GFRAL: variants seen among roughly 807,000 people sequenced by gnomAD.
The protein encoded by GFRAL is GDNF family receptor alpha-like.
In GFRAL, 36 loss-of-function variants were observed where a neutral mutation model predicts 45.4. The observed-to-expected ratio is 0.79, with a 90% CI of 0.61 to 1.05. The LOEUF (loss-of-function observed/expected upper bound fraction) is 1.05, where lower values mean the gene tolerates loss of function less well. GFRAL is among the 50% of genes least tolerant of loss of function. The pLI is 0.00. For missense variants in GFRAL, 507 were observed against 467.5 expected (o/e 1.08, Z -0.78); for synonymous variants, 166 against 154.1 (o/e 1.08, Z -0.57).
chr6:55,357,012 C>T (rs1376490774), intron 5 of GFRAL, among the ~76,000 whole-genome samples: 2 of 151,782 alleles, frequency 1.3e-5, no homozygotes, highest in Non-Finnish European at 2.9e-5. Context: ...CAAAGTTCCT[C>T]TTGTCATTGA....
chr6:55,394,349 G>C (rs190489574), intron 6 of GFRAL, among the ~76,000 whole-genome samples: 1 of 152,056 alleles, frequency 6.6e-6, no homozygotes, highest in Non-Finnish European at 1.5e-5. Flanking sequence ...TAAGGGGAGG[G>C]GCAGGACTGA....
intron 6 of GFRAL, among the ~76,000 whole-genome samples, chr6:55,363,795 C>T (rs1212310266): frequency 5.3e-5 from 8 of 151,534 alleles, no homozygotes; most frequent in Admixed American, 3.3e-4. Context: ...GCATAGTATT[C>T]CATGGTGCAT....
At position 55,382,258 on chromosome 6, in the gene GFRAL, T is replaced by C. The variant is rs368584981; in HGVS notation, c.953-16922T>C. On this transcript the variant is annotated intron_variant, in intron 6 of 8. Transcript: ENST00000340465. ...TGTTTTTCCTCTTAGAAATAAGTGA[T>C]TATTCCTTAAGGATCTTGTTTTTTA... 2.6e-5 allele frequency among the ~76,000 whole-genome samples: 4 copies of C among 152,094 alleles called. No homozygotes were observed. In the East Asian group the frequency reaches 5.8e-4, roughly 22 times the overall value.
At chr6:55,379,896 A>T (rs1175510091) in intron 6 of GFRAL, among the ~76,000 whole-genome samples, 1 of 151,926 alleles carries the variant, frequency 6.6e-6, no homozygotes, top group African/African-American at 2.4e-5. Context: ...AAGTGAGATC[A>T]TGTGGTATTT....
chr6:55,394,920 A>G (rs1036099347), intron 6 of GFRAL, among the ~76,000 whole-genome samples: 2 of 152,018 alleles, frequency 1.3e-5, no homozygotes, highest in Non-Finnish European at 2.9e-5. Context: ...GAGAAGGAGG[A>G]GAGAAAGAAA....
intron 6 of GFRAL, among the ~76,000 whole-genome samples, chr6:55,371,940 G>T (rs1403697690): frequency 2.6e-5 from 4 of 152,030 alleles, no homozygotes; most frequent in Non-Finnish European, 4.4e-5. Flanking sequence ...TGGGTTTATT[G>T]TTTCAATTTC....
intron 6 of GFRAL, among the ~76,000 whole-genome samples, chr6:55,363,905 C>G (rs1414401011): frequency 2.7e-5 from 4 of 150,510 alleles, no homozygotes; most frequent in Non-Finnish European, 5.9e-5. Flanking sequence ...CATACGTGTG[C>G]ATGTGTCTTT....
At chr6:55,363,484 T>C (rs901499396) in intron 6 of GFRAL, among the ~76,000 whole-genome samples, 3 of 151,550 alleles carry the variant, frequency 2.0e-5, no homozygotes, top group African/African-American at 7.3e-5. Flanking sequence ...ATGTGCACAT[T>C]GTGCAGGTTA....
intron 6 of GFRAL, among the ~76,000 whole-genome samples, chr6:55,376,328 G>A (rs1238513448): frequency 6.6e-6 from 1 of 151,898 alleles, no homozygotes. Flanking sequence ...TCTTATTTTT[G>A]TTGCATCTCT....
At position 55,384,852 on chromosome 6, in the gene GFRAL, C is replaced by T. The variant is rs142208910; in HGVS notation, c.953-14328C>T. Among the ~76,000 whole-genome samples, 158 of 110,662 alleles carry T rather than the reference C, an allele frequency of 1.4e-3. 1 individual carries two copies. The East Asian group carries it at 0.031, about 22-fold the overall frequency. 72.6% of individuals were successfully genotyped at this position (110,662 alleles called of 152,430 possible). Reference sequence around the variant, plus strand: ...TCACTCTAGATTTTCCTAGATTTCTCCAAAAAGCAGCAAAAAAAAAAAAAA... The same window carrying T: ...TCACTCTAGATTTTCCTAGATTTCTTCAAAAAGCAGCAAAAAAAAAAAAAA... On this transcript the variant is annotated intron_variant, in intron 6 of 8. Transcript: ENST00000340465.
intron 8 of GFRAL, among the ~76,000 whole-genome samples, chr6:55,399,986 T>C (rs1430747477): frequency 1.3e-5 from 2 of 152,162 alleles, no homozygotes; most frequent in Non-Finnish European, 2.9e-5. Flanking sequence ...ATTCTCCAAA[T>C]CTTGGCTGCT....
At chr6:55,337,343 G>C (rs1040594914) in intron 3 of GFRAL, among the ~76,000 whole-genome samples, 8 of 152,178 alleles carry the variant, frequency 5.3e-5, no homozygotes, top group Admixed American at 2.6e-4. Flanking sequence ...AAAAAACTAT[G>C]TTCATAAAGT....
At chr6:55,391,629 A>G (rs536071463) in intron 6 of GFRAL, among the ~76,000 whole-genome samples, 3 of 152,198 alleles carry the variant, frequency 2.0e-5, no homozygotes, top group Non-Finnish European at 4.4e-5. Context: ...ATGCCCCTGT[A>G]GTCCTAGCTA....
At chr6:55,358,787 A>C (rs1768230202) in intron 5 of GFRAL, 101 bp from the exon 6 acceptor site, 2 of 1,073,684 alleles carry the variant, frequency 1.9e-6, no homozygotes, top group Admixed American at 4.6e-5. Context: ...GGCATCTCGA[A>C]GGCATTGTGT....
At chr6:55,351,878 A>T (rs1021430379) in intron 5 of GFRAL, among the ~76,000 whole-genome samples, 1 of 151,974 alleles carries the variant, frequency 6.6e-6, no homozygotes, top group African/African-American at 2.4e-5. Flanking sequence ...TGGTTAATAG[A>T]CCTGACTTAC....
intron 6 of GFRAL, among the ~76,000 whole-genome samples, chr6:55,385,324 A>G (rs907088181): frequency 2.0e-5 from 3 of 152,084 alleles, no homozygotes; most frequent in Non-Finnish European, 2.9e-5. Context: ...TGGAGATTTA[A>G]TAAACATCTA....
intron 8 of GFRAL, among the ~76,000 whole-genome samples, chr6:55,401,506 A>G (rs966614564): frequency 6.6e-6 from 1 of 152,240 alleles, no homozygotes; most frequent in Non-Finnish European, 1.5e-5. Flanking sequence ...GCTATATTCA[A>G]ATAGCCCAGA....
Position 55,401,819 on chromosome 6 carries a change from A to G in GFRAL, c.1151A>G (p.Asp384Gly), listed in dbSNP as rs749838569. The change falls in exon 9 of 9, where the codon GAT becomes GGT. Residue 384 changes from aspartate (D) to glycine (G), a missense_variant. By Grantham distance (94) the Asp-to-Gly change is moderately conservative. Transcript: ENST00000340465. ...RTSRISSKARDPSSIQIPGEL is the reference protein window; with the variant it reads ...RTSRISSKARGPSSIQIPGEL The stretch of plus-strand genomic sequence containing the variant: ...TCCAGAATATCAAGTAAAGCAAGAG[A>G]TCCTTCATCGATCCAAATACCTGGA... 6.4e-7 allele frequency: 1 copy of G among 1,550,686 alleles called. No homozygotes were observed. The highest frequency in any genetic ancestry group is 1.4e-5 in the African/African-American group (1 of 74,008).
intron 6 of GFRAL, among the ~76,000 whole-genome samples, chr6:55,364,778 G>A (rs890474136): frequency 5.1e-4 from 78 of 151,808 alleles, no homozygotes; most frequent in African/African-American, 1.7e-3. Context: ...TGAGGGCTCT[G>A]TTCTGTTCCA....
Sources: allele counts gnomAD v4.1 joint callset (sites outside exome capture counted in the v4.1 genomes callset), GRCh38; gene constraint gnomAD v4.1.1; transcripts MANE v1.5; gene names NCBI Gene and HGNC (gene_info 2026-07-23, HGNC 2026-07-21).